The following EML5 variants were observed in gnomAD, a reference collection of about 807,000 sequenced individuals.
EML5 encodes the protein echinoderm microtubule-associated protein-like 5.
Under a neutral mutation model 250.0 loss-of-function variants are expected in EML5, and 120 were observed. The ratio of observed to expected loss-of-function variants is 0.48; its 90% CI spans 0.41 to 0.56. The LOEUF (loss-of-function observed/expected upper bound fraction) is 0.56. EML5 is among the 20% of genes least tolerant of loss of function. EML5 has a pLI of 0.00. For missense variants in EML5, 2,006 were observed against 2,437.6 expected (o/e 0.82, Z 3.73); for synonymous variants, 771 against 806.5 (o/e 0.96, Z 0.75).
intron 1 of EML5, among the ~76,000 whole-genome samples, chr14:88,770,296 T>G (rs965468961): frequency 2.0e-5 from 3 of 152,184 alleles, no homozygotes; most frequent in African/African-American, 7.2e-5. Context: ...CAATTTATAA[T>G]TTTACTTTTT....
Position 88,657,337 on chromosome 14 carries a change from A to G in EML5, c.4004+39T>C, listed in dbSNP as rs181324424. The stretch of plus-strand genomic sequence containing the variant: ...ATAATAAATTCCATTTTTAATGACA[A>G]TATCTTTTTCTTCATCTAATACTAA... On this transcript the variant is annotated intron_variant, in intron 27 of 43. Transcript: ENST00000554922. 49 of 1,517,762 alleles carry G rather than the reference A, an allele frequency of 3.2e-5. 1 individual carries two copies. The Admixed American group carries it at 1.0e-3, about 32-fold the overall frequency. The allele number at this position is 1,517,762 out of a possible 1,614,324, so 94.0% of individuals were successfully genotyped here.
At chr14:88,765,630 T>C (rs1390721057) in intron 1 of EML5, among the ~76,000 whole-genome samples, 1 of 152,220 alleles carries the variant, frequency 6.6e-6, no homozygotes, top group Non-Finnish European at 1.5e-5. Context: ...CTTAATTATA[T>C]CTGCAAAGTC....
Position 88,792,578 on chromosome 14 carries a change from GCCCTCCCGCTGGCTGCCGGGACTT to G in EML5, c.-99_-76del. On this transcript the variant is annotated 5_prime_UTR_variant, in exon 1 of 44. Coordinates refer to ENST00000554922, the MANE Select transcript of EML5 (RefSeq NM_183387.3). This position sits in a 1 kb window ranked among gnomAD's most constrained non-coding sequence, Gnocchi z 6.9. ...AGGCGGCGGCGGCCCGGCAACGAAA[GCCCTCCCGCTGGCTGCCGGGACTT>G]CCCGCCAGCCGCGTCCTCTAAGCCG... 1 of 1,201,434 alleles carries G rather than the reference GCCCTCCCGCTGGCTGCCGGGACTT, an allele frequency of 8.3e-7. No individual in the cohort carries two copies. The highest frequency in any genetic ancestry group is 1.0e-6 in the Non-Finnish European group (1 of 965,586). The allele number at this position is 1,201,434 out of a possible 1,614,324, so 74.4% of individuals were successfully genotyped here.
chr14:88,732,651 C>T (rs1481477431), intron 7 of EML5, among the ~76,000 whole-genome samples: 1 of 152,130 alleles, frequency 6.6e-6, no homozygotes, highest in South Asian at 2.1e-4. Context: ...TTACCTTGGG[C>T]AGTATGGCCA....
At chr14:88,618,566 CT>C (rs2088179342) in intron 40 of EML5, 83 bp downstream of exon 40, 1 of 1,460,988 alleles carries the variant, frequency 6.8e-7, no homozygotes, top group Non-Finnish European at 9.2e-7. Flanking sequence ...AGCTCTGGAG[CT>C]CAGGAACTTT....
rs1456236534 is a variant in EML5 at position 88,613,709 on chromosome 14, A to C, written c.*2109T>G. On this transcript the variant is annotated 3_prime_UTR_variant, in exon 44 of 44. Transcript: ENST00000554922. ...TGGCGATTGGAAGCAAGGGTACCAG[A>C]GGGCACAGTGTGCTTTGGCATGCAT... The C allele has an allele frequency of 6.6e-6, 1 of 152,214 alleles. No individual in the cohort carries two copies. The highest frequency in any genetic ancestry group is 1.5e-5 in the Non-Finnish European group (1 of 68,036). The allele number at this position is 152,214 out of a possible 1,614,324, so 9.4% of individuals were successfully genotyped here.
intron 1 of EML5, among the ~76,000 whole-genome samples, chr14:88,770,452 T>C (rs949809485): frequency 6.6e-6 from 1 of 152,140 alleles, no homozygotes; most frequent in Non-Finnish European, 1.5e-5. Flanking sequence ...GTTTTTCACA[T>C]CATTTGTTGA....
rs780245593 is a variant in EML5, at chr14:88,616,246, A to G, written c.5797-4T>C. The G allele has an allele frequency of 6.8e-6, 11 of 1,613,534 alleles. No homozygotes were observed. The highest frequency in any genetic ancestry group is 2.2e-5 in the East Asian group (1 of 44,890). On this transcript the variant is annotated splice_region_variant and splice_polypyrimidine_tract_variant and intron_variant, in intron 42 of 43. Coordinates refer to ENST00000554922, the MANE Select transcript of EML5 (RefSeq NM_183387.3). ...CCAAGAACCTTTTGTGTTTTGCCTA[A>G]AAAACAATGACAGACAAGCTCAGGG... is the stretch of plus-strand genomic sequence containing the variant.
intron 1 of EML5, among the ~76,000 whole-genome samples, chr14:88,785,554 A>G (rs898574239): frequency 3.3e-5 from 5 of 152,188 alleles, no homozygotes; most frequent in African/African-American, 1.2e-4. Flanking sequence ...TGCTCTTCCA[A>G]CACTGTTTCC....
intron 14 of EML5, among the ~76,000 whole-genome samples, chr14:88,701,891 T>C (rs964266576): frequency 6.6e-6 from 1 of 152,200 alleles, no homozygotes; most frequent in Admixed American, 6.5e-5. Flanking sequence ...ACTAGTAAAG[T>C]ACTTACACAA....
At chr14:88,677,282 C>T (rs924169092) in intron 21 of EML5, among the ~76,000 whole-genome samples, 5 of 152,252 alleles carry the variant, frequency 3.3e-5, no homozygotes, top group African/African-American at 1.2e-4. Flanking sequence ...CCCTTCCTTA[C>T]ACCTTATACA....
chr14:88,655,732 C>A (rs2091844173), intron 27 of EML5, among the ~76,000 whole-genome samples: 1 of 152,082 alleles, frequency 6.6e-6, no homozygotes, highest in Non-Finnish European at 1.5e-5. Flanking sequence ...ATCCATCTGA[C>A]AAAGGGCTAA....
intron 18 of EML5, among the ~76,000 whole-genome samples, 170 bp from the exon 19 acceptor site, chr14:88,687,497 G>C (rs890459733): frequency 1.3e-5 from 2 of 152,068 alleles, no homozygotes; most frequent in Non-Finnish European, 2.9e-5. Flanking sequence ...CGTCTACATG[G>C]AATCTGCAAC....
rs574765490 is a variant in EML5, at chr14:88,771,588, CA to C, written c.198-16918del. On this transcript the variant is annotated intron_variant, in intron 1 of 43. Transcript: ENST00000554922. ...GCTCCTCATTCAAAGCAAAACTTCT[CA>C]AAAGAGGTGTCTCATCTTTTTCACT... Among the ~76,000 whole-genome samples, 199 of 152,334 alleles carry C rather than the reference CA, an allele frequency of 1.3e-3. 1 individual carries two copies. Among genetic ancestry groups the C allele is most frequent in the African/African-American group, 4.6e-3 (193 of 41,572 alleles).
intron 2 of EML5, among the ~76,000 whole-genome samples, chr14:88,749,887 G>A (rs1157940976): frequency 2.0e-5 from 3 of 152,078 alleles, no homozygotes; most frequent in African/African-American, 4.8e-5. Context: ...AAAATGTGAG[G>A]AAAAACCCAC....
chr14:88,614,426 T>C lies in EML5; in HGVS notation c.*1392A>G, dbSNP rs2087286486. The C allele has an allele frequency of 6.6e-6, 1 of 152,216 alleles. No homozygotes were observed. Among genetic ancestry groups the C allele is most frequent in the Non-Finnish European group, 1.5e-5 (1 of 68,034 alleles). 9.4% of individuals were successfully genotyped at this position (152,216 alleles called of 1,614,324 possible). A position where few individuals can be genotyped will look rare whatever the true frequency, so the allele number is the denominator to read the frequency against. On this transcript the variant is annotated 3_prime_UTR_variant, in exon 44 of 44. Coordinates refer to ENST00000554922, the MANE Select transcript of EML5 (RefSeq NM_183387.3). ...TGGTTATGCTTTCTGTGATGTAATT[T>C]AGTCATTTCTATTTTTAGTATTAAC...
intron 22 of EML5, 147 bp from the exon 23 acceptor site, chr14:88,664,771 T>C: frequency 1.2e-6 from 1 of 802,488 alleles, no homozygotes; most frequent in Non-Finnish European, 1.9e-6. Flanking sequence ...AAATAACAAA[T>C]GATAACATTT....
In EML5 at chr14:88,792,328, C is replaced by T; in HGVS notation, c.176G>A (p.Gly59Asp). The change falls in exon 1 of 44, where the codon GGC (glycine) becomes GAC (aspartate). Residue 59 changes from glycine (G) to aspartate (D), a missense_variant. Physicochemically the swap from Gly to Asp is moderately conservative, Grantham distance 94. Coordinates refer to ENST00000554922, the MANE Select transcript of EML5 (RefSeq NM_183387.3). This position sits in a 1 kb window ranked among gnomAD's most constrained non-coding sequence, Gnocchi z 6.9. Reference protein sequence around the residue: ...PREHRQKFYRGHSDDIISLAL... With the variant: ...PREHRQKFYRDHSDDIISLAL... ...GTACCTGATGATGTCGTCGCTGTGG[C>T]CCCGGTAGAACTTCTGCCTGTGCTC... 6.4e-7 allele frequency: 1 copy of T among 1,562,292 alleles called. No homozygotes were observed. The highest frequency in any genetic ancestry group is 8.7e-7 in the Non-Finnish European group (1 of 1,155,338).
intron 27 of EML5, among the ~76,000 whole-genome samples, chr14:88,654,073 G>C (rs188172679): frequency 6.6e-6 from 1 of 152,232 alleles, no homozygotes; most frequent in Non-Finnish European, 1.5e-5. Context: ...TTGCGTAGAG[G>C]TCTTTATAGC....
Sources: allele counts gnomAD v4.1 joint callset (sites outside exome capture counted in the v4.1 genomes callset), GRCh38; gene constraint gnomAD v4.1.1; non-coding constraint Gnocchi (gnomAD v3.1); transcripts MANE v1.5; gene names NCBI Gene and HGNC (gene_info 2026-07-23, HGNC 2026-07-21).